The following UNC5D variants were observed in gnomAD, a reference collection of about 807,000 sequenced individuals.
The protein encoded by UNC5D is netrin receptor UNC5D.
In UNC5D, 39 loss-of-function variants were observed where a neutral mutation model predicts 105.4. The observed-to-expected ratio is 0.37, with a 90% CI of 0.29 to 0.48. The LOEUF is 0.48. Among genes scored for constraint, UNC5D ranks in the 20% least tolerant of loss-of-function variants. UNC5D has a pLI of 0.98. For missense variants in UNC5D, 991 were observed against 1,202.4 expected (o/e 0.82, Z 2.60); for synonymous variants, 452 against 450.4 (o/e 1.00, Z -0.04).
intron 1 of UNC5D, among the ~76,000 whole-genome samples, chr8:35,248,932 T>C (rs1803445754): frequency 1.1e-5 from 1 of 93,968 alleles, no homozygotes; most frequent in Non-Finnish European, 1.8e-5. Context: ...ATAATATAAA[T>C]ATATAATATA....
chr8:35,558,456 TA>T (rs1816710042), intron 2 of UNC5D, among the ~76,000 whole-genome samples: 1 of 152,160 alleles, frequency 6.6e-6, no homozygotes, highest in Non-Finnish European at 1.5e-5. Flanking sequence ...ATAATGATAA[TA>T]AAAATGTGTT....
At chr8:35,703,647 T>A (rs952759325) in intron 7 of UNC5D, among the ~76,000 whole-genome samples, 11 of 152,230 alleles carry the variant, frequency 7.2e-5, no homozygotes, top group Admixed American at 7.2e-4. Flanking sequence ...CTGTATTAGA[T>A]TTATTTTTCT....
intron 3 of UNC5D, among the ~76,000 whole-genome samples, chr8:35,581,457 C>T (rs2589762): frequency 0.1 from 15,858 of 152,120 alleles, 882 homozygotes; most frequent in African/African-American, 0.14. Context: ...TCCATCAATA[C>T]TGCTGCAGGG....
At chr8:35,430,550 A>G (rs1445881862) in intron 1 of UNC5D, among the ~76,000 whole-genome samples, 1 of 152,114 alleles carries the variant, frequency 6.6e-6, no homozygotes, top group Non-Finnish European at 1.5e-5. Flanking sequence ...CGCAATTGGC[A>G]TAGGAAGTGG....
intron 1 of UNC5D, among the ~76,000 whole-genome samples, chr8:35,378,927 C>T (rs541633036): frequency 3.3e-5 from 5 of 152,212 alleles, no homozygotes; most frequent in South Asian, 2.1e-4. Flanking sequence ...CACTAAAAAG[C>T]GAAAGGCAGT....
In UNC5D at chr8:35,400,596, C is replaced by T. The variant is rs1318530015; in HGVS notation, c.104-148696C>T. Among the ~76,000 whole-genome samples, 6 of 152,228 alleles carry T rather than the reference C, an allele frequency of 3.9e-5. No individual in the cohort carries two copies. The East Asian group carries it at 1.2e-3, about 29-fold the overall frequency. ...CACTCACCTCTCCTAGCTGTGTTTT[C>T]CTCGGTCATTAGGGTAACAAATATA... On this transcript the variant is annotated intron_variant, in intron 1 of 16. Coordinates refer to ENST00000404895, the MANE Select transcript of UNC5D (RefSeq NM_080872.4).
At chr8:35,622,079 C>T (rs1052966414) in intron 4 of UNC5D, among the ~76,000 whole-genome samples, 6 of 152,052 alleles carry the variant, frequency 3.9e-5, no homozygotes, top group Non-Finnish European at 7.4e-5. Flanking sequence ...CGCGGTGGCT[C>T]ACACCTGTAA....
intron 1 of UNC5D, among the ~76,000 whole-genome samples, chr8:35,544,694 C>T (rs776692213): frequency 6.8e-6 from 1 of 146,828 alleles, no homozygotes; most frequent in Non-Finnish European, 1.5e-5. Flanking sequence ...CCTCTGCCTT[C>T]CGGGTACAAG....
intron 4 of UNC5D, among the ~76,000 whole-genome samples, chr8:35,630,664 A>G (rs539147836): frequency 4.1e-4 from 63 of 152,230 alleles, no homozygotes; most frequent in African/African-American, 1.5e-3. Context: ...ATACCCTCCA[A>G]TCAAATTTTC....
chr8:35,616,051 C>G (rs1263452777), intron 4 of UNC5D, among the ~76,000 whole-genome samples: 3 of 152,224 alleles, frequency 2.0e-5, no homozygotes, highest in Non-Finnish European at 2.9e-5. Flanking sequence ...AAACTGCTAT[C>G]TAGCTAACAT....
At chr8:35,723,709 A>C (rs372566672) in intron 9 of UNC5D, among the ~76,000 whole-genome samples, 2 of 152,272 alleles carry the variant, frequency 1.3e-5, no homozygotes, top group South Asian at 2.1e-4. Context: ...CTGGTCAAGA[A>C]CTGATTTTTA....
chr8:35,408,347 G>T (rs751635113), intron 1 of UNC5D, among the ~76,000 whole-genome samples: 8 of 151,512 alleles, frequency 5.3e-5, no homozygotes, highest in Non-Finnish European at 8.8e-5. Context: ...ATATGATGAT[G>T]TAGATATGAC....
intron 8 of UNC5D, among the ~76,000 whole-genome samples, chr8:35,714,929 A>T (rs543810774): frequency 6.6e-6 from 1 of 152,334 alleles, no homozygotes; most frequent in South Asian, 2.1e-4. Flanking sequence ...AGGCTGGCAA[A>T]TCACCTGAGG....
chr8:35,515,943 C>A (rs1399475578), intron 1 of UNC5D, among the ~76,000 whole-genome samples: 1 of 151,958 alleles, frequency 6.6e-6, no homozygotes, highest in African/African-American at 2.4e-5. Context: ...ATAATGACAC[C>A]CTGACTTAGT....
intron 1 of UNC5D, 77 bp from the exon 2 acceptor site, chr8:35,549,215 G>C: frequency 2.2e-6 from 3 of 1,338,472 alleles, no homozygotes; most frequent in Non-Finnish European, 3.2e-6. Context: ...CTTAGAGCTG[G>C]TGCAGGTTTG....
At chr8:35,598,096 G>T (rs577817966) in intron 4 of UNC5D, among the ~76,000 whole-genome samples, 3 of 152,128 alleles carry the variant, frequency 2.0e-5, no homozygotes, top group African/African-American at 7.2e-5. Context: ...TTTCTTAAAG[G>T]CTTACTCAGA....
chr8:35,236,158 T>G (rs1469795513), intron 1 of UNC5D, among the ~76,000 whole-genome samples: 1 of 152,038 alleles, frequency 6.6e-6, no homozygotes, highest in Non-Finnish European at 1.5e-5. Context: ...TTCCAAGCCC[T>G]CCCCAATTGC....
chr8:35,538,777 T>G (rs565605245), intron 1 of UNC5D, among the ~76,000 whole-genome samples: 3 of 152,092 alleles, frequency 2.0e-5, no homozygotes, highest in Non-Finnish European at 4.4e-5. Context: ...TTAGGGAACC[T>G]GGTGAATACT....
At chr8:35,481,470 C>G (rs910655430) in intron 1 of UNC5D, among the ~76,000 whole-genome samples, 1 of 152,146 alleles carries the variant, frequency 6.6e-6, no homozygotes, top group African/African-American at 2.4e-5. Context: ...AGAAACCCCA[C>G]CTTATAGAAC....
Sources: gnomAD v4.1 joint callset for allele counts (sites outside exome capture counted in the v4.1 genomes callset) on GRCh38, gnomAD v4.1.1 for gene constraint, MANE v1.5 for transcripts, NCBI Gene and HGNC (gene_info 2026-07-23, HGNC 2026-07-21) for gene names.